VDAC3: variants seen among roughly 807,000 people sequenced by gnomAD.
The protein encoded by VDAC3 is non-selective voltage-gated ion channel VDAC3.
Under a neutral mutation model 33.9 loss-of-function variants are expected in VDAC3, and 7 were observed. That is an observed-to-expected ratio of 0.21 (90% CI 0.12 to 0.39). The LOEUF (loss-of-function observed/expected upper bound fraction) is 0.39. Among genes scored for constraint, VDAC3 ranks in the 10% least tolerant of loss-of-function variants. VDAC3 has a pLI of 1.00. For missense variants in VDAC3, 261 were observed against 334.5 expected (o/e 0.78, Z 1.71); for synonymous variants, 100 against 122.4 (o/e 0.82, Z 1.21).
intron 9 of VDAC3, 97 bp downstream of exon 9, chr8:42,405,021 G>A: frequency 9.1e-7 from 1 of 1,103,246 alleles, no homozygotes. Flanking sequence ...ACTGTAAGTT[G>A]ATTTGGACCA....
At chr8:42,401,639 T>A in intron 6 of VDAC3, 149 bp from the exon 7 acceptor site, 1 of 693,194 alleles carries the variant, frequency 1.4e-6, no homozygotes. Context: ...ACTAGGTCAT[T>A]TGAAATGTTT....
At chr8:42,399,947 A>G (rs1229889188) in intron 6 of VDAC3, among the ~76,000 whole-genome samples, 3 of 152,240 alleles carry the variant, frequency 2.0e-5, no homozygotes, top group Admixed American at 2.0e-4. Flanking sequence ...AGAGAGACAC[A>G]TGGTAGAAAA....
chr8:42,405,447 T>C lies in VDAC3; in HGVS notation c.837T>C (p.Phe279=). ...GAGGTCACAAGGTTGGCTTGGGATT[T>C]GAACTGGAAGCTTAATGTGGTTTGA... ...SAGGHKVGLG[F]ELEA is the part of the protein sequence containing the mutation. The change falls in exon 10 of 10, where the codon TTT becomes TTC. Residue 279 remains phenylalanine, a synonymous_variant. Coordinates refer to ENST00000022615, the MANE Select transcript of VDAC3 (RefSeq NM_005662.7). 1 of 1,612,280 alleles carries C rather than the reference T, an allele frequency of 6.2e-7. No individual in the cohort carries two copies. Among genetic ancestry groups the C allele is most frequent in the Non-Finnish European group, 8.5e-7 (1 of 1,179,962 alleles).
intron 6 of VDAC3, among the ~76,000 whole-genome samples, 191 bp downstream of exon 6, chr8:42,399,894 T>G (rs1563422266): frequency 6.6e-6 from 1 of 152,150 alleles, no homozygotes; most frequent in East Asian, 1.9e-4. Context: ...GGATGAACAA[T>G]TTGAAAACTG....
chr8:42,396,850 CT>C (rs1235442969), intron 4 of VDAC3: 2 of 584,670 alleles, frequency 3.4e-6, no homozygotes. Flanking sequence ...TTGTTGCTTA[CT>C]AAGCATTTAA....
chr8:42,392,994 A>G (rs1056506455), intron 1 of VDAC3, among the ~76,000 whole-genome samples: 9 of 152,238 alleles, frequency 5.9e-5, no homozygotes, highest in Non-Finnish European at 1.3e-4. Flanking sequence ...TAAGTGAATT[A>G]TGAAACCTGG....
chr8:42,404,492 G>A (rs181619852), intron 8 of VDAC3, among the ~76,000 whole-genome samples: 1 of 152,260 alleles, frequency 6.6e-6, no homozygotes, highest in East Asian at 1.9e-4. Flanking sequence ...GGGAGGCTGA[G>A]GCAGGGGATC....
intron 4 of VDAC3, chr8:42,397,552 G>T (rs1802336927): frequency 6.6e-6 from 1 of 152,204 alleles, no homozygotes. Context: ...TTCATAGATT[G>T]TCAGTGACAG....
rs1360925693 is a variant in VDAC3, at chr8:42,405,891, A to G, written c.*429A>G. ...AATAAAATAAACCCATCACATTTGG[A>G]ACATAACTGCTCATGTGACTTGCTG... On this transcript the variant is annotated 3_prime_UTR_variant, in exon 10 of 10. Coordinates refer to ENST00000022615, the MANE Select transcript of VDAC3 (RefSeq NM_005662.7). 1.3e-5 allele frequency: 2 copies of G among 154,472 alleles called. No individual in the cohort carries two copies. Among genetic ancestry groups the G allele is most frequent in the Admixed American group, 1.3e-4 (2 of 15,428 alleles). The allele number at this position is 154,472 out of a possible 1,614,324, so 9.6% of individuals were successfully genotyped here. A position where few individuals can be genotyped will look rare whatever the true frequency, so the allele number is the denominator to read the frequency against.
rs757255361 is a variant in VDAC3, at chr8:42,401,880, A to G, written c.416A>G (p.Tyr139Cys). Residue 139 changes from tyrosine (Y) to cysteine (C), a missense_variant, in exon 7 of 10, where the codon TAT becomes TGT. By Grantham distance (194) the Tyr-to-Cys change is radical. Transcript: ENST00000022615. ...VDIDFSGPTI[Y>C]GWAVLAFEGW... Reference sequence around the variant, plus strand: ...ATAGATTTTTCTGGACCAACCATCTATGGCTGGGCTGTGTTGGCCTTCGAA... The same window carrying G: ...ATAGATTTTTCTGGACCAACCATCTGTGGCTGGGCTGTGTTGGCCTTCGAA... 5 of 1,614,204 alleles carry G rather than the reference A, an allele frequency of 3.1e-6. No individual in the cohort carries two copies. In the East Asian group the frequency reaches 6.7e-5, roughly 22 times the overall value.
chr8:42,394,270 A>G lies in VDAC3; in HGVS notation c.59A>G (p.Lys20Arg). 1 of 1,613,482 alleles carries G rather than the reference A, an allele frequency of 6.2e-7. No homozygotes were observed. Among genetic ancestry groups the G allele is most frequent in the Non-Finnish European group, 8.5e-7 (1 of 1,179,606 alleles). ...LGKAAKDVFN[K>R]GYGFGMVKID... Reference sequence around the variant, plus strand: ...AAGGCTGCTAAGGATGTCTTCAACAAAGGATATGGTAAGTATGCTATTGTA... The same window carrying G: ...AAGGCTGCTAAGGATGTCTTCAACAGAGGATATGGTAAGTATGCTATTGTA... The change falls in exon 3 of 10, where the codon AAA becomes AGA. Residue 20 changes from lysine to arginine, a missense_variant. Physicochemically the swap from Lys to Arg is conservative, Grantham distance 26 (BLOSUM62 2). Coordinates refer to ENST00000022615, the MANE Select transcript of VDAC3 (RefSeq NM_005662.7).
chr8:42,399,667 A>G lies in VDAC3; in HGVS notation c.287A>G (p.Lys96Arg). The G allele has an allele frequency of 6.2e-7, 1 of 1,611,924 alleles. No homozygotes were observed. The highest frequency in any genetic ancestry group is 8.5e-7 in the Non-Finnish European group (1 of 1,178,708). Residue 96 changes from lysine to arginine, a missense_variant, in exon 6 of 10, where the codon AAA becomes AGA. Lys to Arg is a conservative substitution (Grantham distance 26). Coordinates refer to ENST00000022615, the MANE Select transcript of VDAC3 (RefSeq NM_005662.7). ...SWENKLAEGLKLTLDTIFVPN... is the reference protein window; with the variant it reads ...SWENKLAEGLRLTLDTIFVPN... Reference sequence around the variant, plus strand: ...GTTTTTCAGTTGGCTGAAGGGTTGAAACTGACTCTTGATACCATATTTGTA... The same window carrying G: ...GTTTTTCAGTTGGCTGAAGGGTTGAGACTGACTCTTGATACCATATTTGTA...
intron 6 of VDAC3, among the ~76,000 whole-genome samples, chr8:42,400,782 C>T (rs1802403616): frequency 6.7e-6 from 1 of 148,192 alleles, no homozygotes; most frequent in South Asian, 2.2e-4. Flanking sequence ...TCTCCTGCCT[C>T]AGCCTCCCAA....
intron 7 of VDAC3, among the ~76,000 whole-genome samples, chr8:42,402,426 A>G (rs529976729): frequency 6.6e-6 from 1 of 152,292 alleles, no homozygotes; most frequent in Admixed American, 6.5e-5. Flanking sequence ...GCATCCTGGG[A>G]CATCCCGGTA....
rs759587605 is a variant in VDAC3, at chr8:42,394,229, G to A, written c.18G>A (p.Thr6=). The change falls in exon 3 of 10, where the codon ACG becomes ACA. Residue 6 remains threonine, a synonymous_variant. Transcript: ENST00000022615. MCNTP[T]YCDLGKAAKD... Reference sequence around the variant, plus strand: ...TATAAGATATGTGTAACACACCAACGTACTGTGACCTAGGAAAGGCTGCTA... The same window carrying A: ...TATAAGATATGTGTAACACACCAACATACTGTGACCTAGGAAAGGCTGCTA... The A allele has an allele frequency of 1.4e-5, 23 of 1,613,520 alleles. No homozygotes were observed. Among genetic ancestry groups the A allele is most frequent in the Admixed American group, 1.7e-5 (1 of 59,972 alleles).
chr8:42,393,345 A>G (rs548591181), intron 1 of VDAC3, among the ~76,000 whole-genome samples: 85 of 152,278 alleles, frequency 5.6e-4, no homozygotes, highest in Admixed American at 1.2e-3. Flanking sequence ...ATATGGGCTA[A>G]TGGCACTGCT....
At chr8:42,404,397 C>T (rs1420957652) in intron 8 of VDAC3, among the ~76,000 whole-genome samples, 3 of 152,112 alleles carry the variant, frequency 2.0e-5, no homozygotes, top group African/African-American at 2.4e-5. Flanking sequence ...TCTCAGGGTA[C>T]GTCCTACCCC....
intron 8 of VDAC3, among the ~76,000 whole-genome samples, chr8:42,403,738 T>C (rs1802455170): frequency 6.6e-6 from 1 of 152,020 alleles, no homozygotes; most frequent in East Asian, 1.9e-4. Flanking sequence ...TAGGTGGGCG[T>C]GGTAGGTGAC....
At position 42,405,495 on chromosome 8, in the gene VDAC3, G is replaced by A; in HGVS notation, c.*33G>A. On this transcript the variant is annotated 3_prime_UTR_variant, in exon 10 of 10. Coordinates refer to ENST00000022615, the MANE Select transcript of VDAC3 (RefSeq NM_005662.7). The stretch of plus-strand genomic sequence containing the variant: ...TGAGGAAAGCATCAGATTTGTCCCT[G>A]GAAGTGAAGAGAAATGAACCCACTA... The A allele has an allele frequency of 6.4e-7, 1 of 1,574,030 alleles. No homozygotes were observed. The highest frequency in any genetic ancestry group is 8.7e-7 in the Non-Finnish European group (1 of 1,148,162).
Sources: allele counts gnomAD v4.1 joint callset (sites outside exome capture counted in the v4.1 genomes callset), GRCh38; gene constraint gnomAD v4.1.1; transcripts MANE v1.5; gene names NCBI Gene and HGNC (gene_info 2026-07-23, HGNC 2026-07-21).